Variants in LRIF1 observed in about 807,000 individuals in gnomAD.
The protein encoded by LRIF1 is ligand dependent nuclear receptor interacting factor 1.
In LRIF1, 32 loss-of-function variants were observed where a neutral mutation model predicts 52.7. The ratio of observed to expected loss-of-function variants is 0.61; its 90% CI spans 0.46 to 0.82. The LOEUF (loss-of-function observed/expected upper bound fraction) is 0.82, where lower values mean the gene tolerates loss of function less well. LRIF1 is among the 40% of genes least tolerant of loss of function. The pLI, the probability that LRIF1 is intolerant of heterozygous loss-of-function variation, is 0.00. For synonymous variants in LRIF1, 323 were observed against 317.4 expected (o/e 1.02, Z -0.19); for missense variants, 887 against 892.0 (o/e 0.99, Z 0.07).
the LRIF1 span, chr1:110,939,882 C>T: frequency 6.6e-6 from 1 of 152,156 alleles, no homozygotes; most frequent in African/African-American, 2.4e-5. Context: ...TATGAAACTA[C>T]TATAAGAAAA....
At chr1:110,961,245 T>C (rs773279867) in intron 1 of LRIF1, among the ~76,000 whole-genome samples, 1 of 152,198 alleles carries the variant, frequency 6.6e-6, no homozygotes, top group Non-Finnish European at 1.5e-5. Flanking sequence ...AGGTTTTCCC[T>C]GGCAACAGCC....
the LRIF1 span, among the ~76,000 whole-genome samples, chr1:110,933,198 A>G: frequency 6.6e-6 from 1 of 152,122 alleles, no homozygotes; most frequent in Non-Finnish European, 1.5e-5. Context: ...TCAGCTCCGA[A>G]ATCAGCTTCT....
In LRIF1 at chr1:110,963,619, A is replaced by G. The variant is rs1331156804; in HGVS notation, c.68+2T>C. The G allele has an allele frequency of 6.2e-7, 1 of 1,608,736 alleles. No individual in the cohort carries two copies. The highest frequency in any genetic ancestry group is 8.5e-7 in the Non-Finnish European group (1 of 1,176,020). The stretch of plus-strand genomic sequence containing the variant: ...TGGGGAGGATTCGAAACCGGTACTT[A>G]CCAACGCGAGGCGTTGCCTGAATTT... On this transcript the variant is annotated splice_donor_variant, in intron 1 of 3. Transcript: ENST00000369763. LOFTEE classifies it high-confidence loss of function.
rs923693602 is a variant in LRIF1 at position 110,963,729 on chromosome 1, G to C, written c.-41C>G. 84 of 1,522,196 alleles carry C rather than the reference G, an allele frequency of 5.5e-5. No homozygotes were observed. Among genetic ancestry groups the C allele is most frequent in the Non-Finnish European group, 7.5e-5 (83 of 1,107,192 alleles). The allele number at this position is 1,522,196 out of a possible 1,614,324, so 94.3% of individuals were successfully genotyped here. ...GGGGACACCTCATCCAGAAAAGTGGGAAGCGTGGGGCCGAGTTTCCCAATG... is the reference window on the plus strand; with the variant it reads ...GGGGACACCTCATCCAGAAAAGTGGCAAGCGTGGGGCCGAGTTTCCCAATG... On this transcript the variant is annotated 5_prime_UTR_variant, in exon 1 of 4. Transcript: ENST00000369763.
chr1:110,943,260 A>C (rs1658131167), downstream of LRIF1, among the ~76,000 whole-genome samples: 1 of 152,186 alleles, frequency 6.6e-6, no homozygotes, highest in Admixed American at 6.5e-5. Context: ...ATAAAACTCT[A>C]ATTTGACTGA....
At chr1:110,946,266 T>A (rs1032453516), downstream of LRIF1, among the ~76,000 whole-genome samples, 4 of 152,206 alleles carry the variant, frequency 2.6e-5, no homozygotes, top group African/African-American at 9.7e-5. Flanking sequence ...TCCATATATA[T>A]GAAATGTTCA....
rs770946803 is a variant in LRIF1, at chr1:110,948,176, T to C, written c.2093A>G (p.Tyr698Cys). ...GCCTTTCTCTTGCTTCTCATGGGTA[T>C]AGTATTCCATCTCAGTTCTCTTTTC... is the stretch of plus-strand genomic sequence containing the variant. ...RQEKRTEMEY[Y>C]THEKQEKGTL... Residue 698 changes from tyrosine (Y) to cysteine (C), a missense_variant, in exon 4 of 4, where the codon TAT becomes TGT. By Grantham distance (194) the Tyr-to-Cys change is radical (BLOSUM62 -2). Coordinates refer to ENST00000369763, the MANE Select transcript of LRIF1 (RefSeq NM_018372.4). 3 of 1,614,128 alleles carry C rather than the reference T, an allele frequency of 1.9e-6. No individual in the cohort carries two copies. The South Asian group carries it at 3.3e-5, about 18-fold the overall frequency.
chr1:110,905,034 A>G, the LRIF1 span, among the ~76,000 whole-genome samples: 1 of 152,180 alleles, frequency 6.6e-6, no homozygotes, highest in African/African-American at 2.4e-5. Context: ...ACTGATCAGG[A>G]AGAAGAAAGA....
At chr1:110,937,655 T>A in the LRIF1 span, 1 of 151,682 alleles carries the variant, frequency 6.6e-6, no homozygotes, top group Non-Finnish European at 1.5e-5. Context: ...AATCTAACAA[T>A]GCATCTTAAA....
At chr1:110,921,265 G>GA in the LRIF1 span, among the ~76,000 whole-genome samples, 103,706 of 151,400 alleles carry the variant, frequency 0.68, 37,284 homozygotes, top group East Asian at 0.89. Flanking sequence ...GGTTACCAGT[G>GA]AAGTGCAGAA....
the LRIF1 span, among the ~76,000 whole-genome samples, chr1:110,886,471 C>T: frequency 1.3e-5 from 2 of 152,110 alleles, no homozygotes; most frequent in Non-Finnish European, 2.9e-5. Flanking sequence ...TCTCTTCTCT[C>T]CTCAATTTTA....
the LRIF1 span, among the ~76,000 whole-genome samples, chr1:110,934,472 A>G: frequency 6.6e-6 from 1 of 152,162 alleles, no homozygotes; most frequent in African/African-American, 2.4e-5. Context: ...CCTGCCATTA[A>G]GGGTGATTCT....
chr1:110,914,142 G>A, the LRIF1 span, among the ~76,000 whole-genome samples: 1 of 152,046 alleles, frequency 6.6e-6, no homozygotes, highest in Non-Finnish European at 1.5e-5. Flanking sequence ...AGACACCGTG[G>A]TTACTTGAGG....
intron 1 of LRIF1, among the ~76,000 whole-genome samples, chr1:110,961,236 G>C (rs959437517): frequency 6.6e-6 from 1 of 152,094 alleles, no homozygotes; most frequent in Non-Finnish European, 1.5e-5. Context: ...ATGACTGTAA[G>C]GTTTTCCCTG....
chr1:110,948,757 G>A (rs556155715), intron 3 of LRIF1, among the ~76,000 whole-genome samples: 3 of 152,054 alleles, frequency 2.0e-5, no homozygotes, highest in Admixed American at 6.6e-5. Context: ...ATTTTCATTC[G>A]AAAAGGTTTA....
At position 110,951,488 on chromosome 1, in the gene LRIF1, A is replaced by C. The variant is rs148430711; in HGVS notation, c.1396T>G (p.Leu466Val). 1.9e-6 allele frequency: 3 copies of C among 1,614,154 alleles called. No homozygotes were observed. Among genetic ancestry groups the C allele is most frequent in the Non-Finnish European group, 2.5e-6 (3 of 1,180,014 alleles). The part of the protein sequence containing the change: ...NPHMNQSSNY[L>V]KQSKTLFTNP... ...GTGAATAAAGTCTTACTCTGTTTTA[A>C]GTAGTTACTGGATTGGTTCATATGT... is the stretch of plus-strand genomic sequence containing the variant. Residue 466 changes from leucine (L) to valine (V), a missense_variant, in exon 2 of 4, where the codon TTA (leucine) becomes GTA (valine). Physicochemically the swap from Leu to Val is conservative, Grantham distance 32. Coordinates refer to ENST00000369763, the MANE Select transcript of LRIF1 (RefSeq NM_018372.4).
the LRIF1 span, among the ~76,000 whole-genome samples, chr1:110,935,113 C>T: frequency 2.6e-5 from 4 of 152,226 alleles, no homozygotes; most frequent in African/African-American, 9.7e-5. Context: ...TCTGCAAGAA[C>T]CACAGAATTA....
At chr1:110,879,695 G>A in the LRIF1 span, among the ~76,000 whole-genome samples, 1 of 152,046 alleles carries the variant, frequency 6.6e-6, no homozygotes, top group African/African-American at 2.4e-5. Context: ...AGATAAGGCT[G>A]AAGATGAAGA....
rs185465210 is a variant in LRIF1 at position 110,959,527 on chromosome 1, G to A, written c.68+4094C>T. Among the ~76,000 whole-genome samples, 325 of 152,018 alleles carry A rather than the reference G, an allele frequency of 2.1e-3. 2 individuals carry two copies. Among genetic ancestry groups the A allele is most frequent in the African/African-American group, 7.2e-3 (297 of 41,474 alleles). On this transcript the variant is annotated intron_variant, in intron 1 of 3. Coordinates refer to ENST00000369763, the MANE Select transcript of LRIF1 (RefSeq NM_018372.4). ...AGCACCTTGGGAGGCTGAGGTGGGC[G>A]GATCATGAGGTCAAGAGATCGAGAC...
Sources: gnomAD v4.1 joint callset for allele counts (sites outside exome capture counted in the v4.1 genomes callset) on GRCh38, gnomAD v4.1.1 for gene constraint, MANE v1.5 for transcripts, NCBI Gene and HGNC (gene_info 2026-07-23, HGNC 2026-07-21) for gene names.